Variants in MPDZ observed in about 807,000 individuals in gnomAD.
MPDZ encodes multiple PDZ domain protein.
A neutral mutation model predicts 239.1 loss-of-function variants in MPDZ; 234 were observed. That is an observed-to-expected ratio of 0.98 (90% CI 0.88 to 1.09). MPDZ has a LOEUF of 1.09. Among genes scored for constraint, MPDZ ranks in the 50% least tolerant of loss-of-function variants. The pLI is 0.00. For synonymous variants in MPDZ, 1,048 were observed against 881.3 expected, an observed-to-expected ratio of 1.19 and a Z score of -3.35; for missense variants, 3,175 against 2,510.0, an observed-to-expected ratio of 1.26 and a Z score of -5.66.
chr9:13,196,429 C>CT (rs1955659313), intron 12 of MPDZ, among the ~76,000 whole-genome samples, 199 bp from the exon 13 acceptor site: 1 of 152,162 alleles, frequency 6.6e-6, no homozygotes, highest in Admixed American at 6.6e-5. Flanking sequence ...ACACTACTCA[C>CT]TTTTAACAGA....
At chr9:13,200,045 T>C (rs1956189554) in intron 12 of MPDZ, among the ~76,000 whole-genome samples, 1 of 152,028 alleles carries the variant, frequency 6.6e-6, no homozygotes, top group Non-Finnish European at 1.5e-5. Context: ...TATTTAAATG[T>C]TTGGTAGAAT....
At chr9:13,126,342 C>T (rs1245417465) in intron 34 of MPDZ, among the ~76,000 whole-genome samples, 174 bp downstream of exon 34, 1 of 152,070 alleles carries the variant, frequency 6.6e-6, no homozygotes, top group Non-Finnish European at 1.5e-5. Flanking sequence ...ACCTTAACAC[C>T]AACTGGAAAA....
chr9:13,235,399 T>C (rs1348883159), intron 3 of MPDZ, among the ~76,000 whole-genome samples: 1 of 152,176 alleles, frequency 6.6e-6, no homozygotes, highest in African/African-American at 2.4e-5. Context: ...TTATTGAGCA[T>C]CTAAAATGTC....
chr9:13,154,208 A>G (rs1949543991), intron 24 of MPDZ, among the ~76,000 whole-genome samples: 1 of 152,164 alleles, frequency 6.6e-6, no homozygotes, highest in Middle Eastern at 3.2e-3. Context: ...AACTGCCAAA[A>G]TGACACAGTA....
chr9:13,123,386 A>G, intron 35 of MPDZ, 88 bp from the exon 36 acceptor site: 1 of 1,178,586 alleles, frequency 8.5e-7, no homozygotes, highest in South Asian at 1.4e-5. Flanking sequence ...ACTCTGAGGG[A>G]TGGGGCAGAG....
At chr9:13,220,885 T>C (rs1463344544) in intron 7 of MPDZ, among the ~76,000 whole-genome samples, 1 of 152,004 alleles carries the variant, frequency 6.6e-6, no homozygotes, top group Admixed American at 6.6e-5. Context: ...TAAATGGTAA[T>C]GCCTCAATAA....
chr9:13,119,364 C>G, intron 39 of MPDZ, 138 bp downstream of exon 39: 2 of 1,016,036 alleles, frequency 2.0e-6, no homozygotes, highest in Non-Finnish European at 2.8e-6. Context: ...GGATTATAGG[C>G]GTGAGCCATT....
chr9:13,247,246 T>A lies in MPDZ; in HGVS notation c.183+389A>T, dbSNP rs150345378. 2.7e-3 allele frequency among the ~76,000 whole-genome samples: 413 copies of A among 152,332 alleles called. 3 individuals carry two copies. The highest frequency in any genetic ancestry group is 9.6e-3 in the African/African-American group (401 of 41,584). ...ATGATTACACATGCAAATCCACGCT[T>A]ATCTGAAATCTTGTAAGTATACTGA... On this transcript the variant is annotated intron_variant, in intron 3 of 46. Coordinates refer to ENST00000319217, the MANE Select transcript of MPDZ (RefSeq NM_001378778.1).
In MPDZ at chr9:13,219,579, T is replaced by G; in HGVS notation, c.1066A>C (p.Thr356Pro). The change falls in exon 8 of 47, where the codon ACT (threonine) becomes CCT (proline). Residue 356 changes from threonine (T) to proline (P), a missense_variant. Transcript: ENST00000319217. ...CTTACCCGCAACTCTGGTGTTGAAG[T>G]TGGGGATGAGGAGAGGGTGATGCCC... ...ALGITLSSSP[T>P]STPELRVDAS... 6.2e-7 allele frequency: 1 copy of G among 1,612,010 alleles called. No homozygotes were observed. The highest frequency in any genetic ancestry group is 8.5e-7 in the Non-Finnish European group (1 of 1,178,832).
At chr9:13,252,619 C>T (rs989556488) in intron 1 of MPDZ, among the ~76,000 whole-genome samples, 1 of 151,518 alleles carries the variant, frequency 6.6e-6, no homozygotes, top group Non-Finnish European at 1.5e-5. Context: ...GCCTGTAATC[C>T]CAGCAAATAA....
intron 39 of MPDZ, 125 bp downstream of exon 39, chr9:13,119,377 A>C: frequency 8.5e-7 from 1 of 1,170,064 alleles, no homozygotes; most frequent in Non-Finnish European, 1.2e-6. Flanking sequence ...GAGCCATTGC[A>C]CCTGGCCTTG....
intron 41 of MPDZ, 140 bp from the exon 42 acceptor site, chr9:13,113,194 C>A (rs1942792781): frequency 1.5e-6 from 1 of 665,936 alleles, no homozygotes; most frequent in Admixed American, 3.0e-5. Flanking sequence ...TGCTAGTACA[C>A]ATGATTAGAT....
At chr9:13,156,326 T>C (rs1806199592) in intron 24 of MPDZ, among the ~76,000 whole-genome samples, 1 of 152,214 alleles carries the variant, frequency 6.6e-6, no homozygotes, top group African/African-American at 2.4e-5. Flanking sequence ...TCTGTATTAA[T>C]CCTTTTTCAT....
chr9:13,186,299 T>C lies in MPDZ; in HGVS notation c.2452A>G (p.Lys818Glu). Residue 818 changes from lysine (K) to glutamate (E), a missense_variant, in exon 18 of 47, where the codon AAA (lysine) becomes GAA (glutamate). Transcript: ENST00000319217. ...GCCAAGTCAGCCCTGAAGAGGGGTT[T>C]GTCAGCCAGCCCTGCTTCCTCACAG... ...HSCEEAGLAD[K>E]PLFRADLALV... 6.3e-7 allele frequency: 1 copy of C among 1,593,424 alleles called. No individual in the cohort carries two copies. Among genetic ancestry groups the C allele is most frequent in the East Asian group, 2.3e-5 (1 of 44,018 alleles).
intron 25 of MPDZ, among the ~76,000 whole-genome samples, chr9:13,148,191 T>A (rs1194174664): frequency 1.3e-5 from 2 of 152,086 alleles, no homozygotes; most frequent in Admixed American, 1.3e-4. Context: ...GCAGTAGATA[T>A]GACAGGAGCT....
At chr9:13,230,670 G>C (rs1047093699) in intron 3 of MPDZ, among the ~76,000 whole-genome samples, 2 of 152,114 alleles carry the variant, frequency 1.3e-5, no homozygotes, top group Admixed American at 1.3e-4. Flanking sequence ...GGAGATATTT[G>C]TGGTGATAAA....
chr9:13,121,627 CCTACTGAACA>C, intron 38 of MPDZ, 102 bp downstream of exon 38: 1 of 1,078,256 alleles, frequency 9.3e-7, no homozygotes, highest in Non-Finnish European at 1.4e-6. Flanking sequence ...ACAACAGCTA[CCTACTGAACA>C]CTAGCCACTG....
intron 32 of MPDZ, among the ~76,000 whole-genome samples, chr9:13,130,706 G>C (rs1208186949): frequency 6.6e-6 from 1 of 152,210 alleles, no homozygotes; most frequent in African/African-American, 2.4e-5. Flanking sequence ...TGGATCTTTA[G>C]TGTATGTAGG....
At position 13,240,935 on chromosome 9, in the gene MPDZ, A is replaced by G. The variant is rs149203168; in HGVS notation, c.183+6700T>C. Among the ~76,000 whole-genome samples, 727 of 152,278 alleles carry G rather than the reference A, an allele frequency of 4.8e-3. 4 individuals are homozygous for G. Among genetic ancestry groups the G allele is most frequent in the African/African-American group, 0.015 (644 of 41,570 alleles). On this transcript the variant is annotated intron_variant, in intron 3 of 46. Transcript: ENST00000319217. ...CCTCCAAAGACCATTTAACATTGTC[A>G]CAAAAATACCATACAATTATCACCA...
Sources: gnomAD v4.1 joint callset for allele counts (sites outside exome capture counted in the v4.1 genomes callset) on GRCh38, gnomAD v4.1.1 for gene constraint, MANE v1.5 for transcripts, NCBI Gene and HGNC (gene_info 2026-07-23, HGNC 2026-07-21) for gene names.